Variants in CSPG4 observed in about 807,000 individuals in gnomAD.
CSPG4 encodes the protein chondroitin sulfate proteoglycan 4.
Under a neutral mutation model 139.3 loss-of-function variants are expected in CSPG4, and 74 were observed. That is an observed-to-expected ratio of 0.53 (90% CI 0.44 to 0.64). The LOEUF (loss-of-function observed/expected upper bound fraction) is 0.64, where lower values mean the gene tolerates loss of function less well. CSPG4 is among the 30% of genes least tolerant of loss of function. CSPG4 has a pLI of 0.00. For synonymous variants in CSPG4, 1,234 were observed against 1,394.2 expected, an observed-to-expected ratio of 0.89 and a Z score of 2.56; for missense variants, 2,565 against 3,148.3, an observed-to-expected ratio of 0.81 and a Z score of 4.43.
At chr15:75,678,695 C>T (rs1047421426) in intron 8 of CSPG4, 1 of 456,162 alleles carries the variant, frequency 2.2e-6, no homozygotes, top group African/African-American at 2.0e-5. Flanking sequence ...ACCAGCTTCA[C>T]CCCTGCCCCT....
chr15:75,704,810 C>T (rs532810821), intron 1 of CSPG4, among the ~76,000 whole-genome samples: 4 of 152,292 alleles, frequency 2.6e-5, no homozygotes, highest in South Asian at 2.1e-4. Flanking sequence ...TCCCTCAGTC[C>T]GGATTTCTGC....
In CSPG4 at chr15:75,690,776, G is replaced by C; in HGVS notation, c.289C>G (p.Gln97Glu). The C allele has an allele frequency of 6.2e-7, 1 of 1,612,360 alleles. No individual in the cohort carries two copies. Residue 97 changes from glutamine to glutamate, a missense_variant, in exon 3 of 10, where the codon CAG (glutamine) becomes GAG (glutamate). Physicochemically the swap from Gln to Glu is conservative, Grantham distance 29. Transcript: ENST00000308508. ...LVLGQEELRL[Q>E]TPAETLLSDS... ...CTCAGCAGCGTCTCTGCTGGAGTCT[G>C]CAGCCTCAGCTCCTCCTGGCCCAGA... is the stretch of plus-strand genomic sequence containing the variant.
chr15:75,685,817 A>G (rs1894050508), intron 3 of CSPG4, 116 bp from the exon 4 acceptor site: 4 of 1,126,248 alleles, frequency 3.6e-6, no homozygotes, highest in Admixed American at 2.9e-5. Flanking sequence ...ATTCCTCTAG[A>G]TACCACTGCT....
intron 2 of CSPG4, among the ~76,000 whole-genome samples, chr15:75,692,394 A>G (rs1411264162): frequency 6.6e-6 from 1 of 152,230 alleles, no homozygotes; most frequent in Non-Finnish European, 1.5e-5. Context: ...TGGTGGGATT[A>G]TAGGCATGAG....
intron 8 of CSPG4, chr15:75,680,124 G>T (rs1216826778): frequency 6.6e-6 from 1 of 152,524 alleles, no homozygotes; most frequent in Non-Finnish European, 1.5e-5. Flanking sequence ...GGGGGAGCAG[G>T]GGCCGGAGTA....
chr15:75,678,832 C>G (rs1158096053), intron 8 of CSPG4: 2 of 455,888 alleles, frequency 4.4e-6, no homozygotes, highest in Non-Finnish European at 4.4e-6. Flanking sequence ...GCACCAGAGG[C>G]CTCCGTGTTG....
rs1398197778 is a variant in CSPG4, at chr15:75,691,162, G to A, written c.253-350C>T. Among the ~76,000 whole-genome samples, 4 of 152,084 alleles carry A rather than the reference G, an allele frequency of 2.6e-5. No homozygotes were observed. In the East Asian group the frequency reaches 5.8e-4, roughly 22 times the overall value. On this transcript the variant is annotated intron_variant, in intron 2 of 9. Coordinates refer to ENST00000308508, the MANE Select transcript of CSPG4 (RefSeq NM_001897.5). ...GCACTCCAGCCTGGGCAGCAAGAGC[G>A]AAACTCTGTCTCAAAAAACAAACAA...
At chr15:75,704,683 G>A (rs1023255757) in intron 1 of CSPG4, among the ~76,000 whole-genome samples, 1 of 152,142 alleles carries the variant, frequency 6.6e-6, no homozygotes, top group African/African-American at 2.4e-5. Flanking sequence ...GCCCCGAGCT[G>A]TGCACCCCAC....
intron 2 of CSPG4, among the ~76,000 whole-genome samples, chr15:75,691,693 A>C (rs1434505599): frequency 6.6e-6 from 1 of 152,174 alleles, no homozygotes; most frequent in Non-Finnish European, 1.5e-5. Context: ...GAGATGAAGG[A>C]CATAGTTCTG....
chr15:75,702,000 A>G (rs138106091), intron 1 of CSPG4, among the ~76,000 whole-genome samples: 1 of 152,258 alleles, frequency 6.6e-6, no homozygotes, highest in African/African-American at 2.4e-5. Context: ...TCCCTGGTCC[A>G]TCCATAAGGC....
In CSPG4 at chr15:75,701,375, T is replaced by C. The variant is rs898510176; in HGVS notation, c.89-8142A>G. Among the ~76,000 whole-genome samples the C allele has an allele frequency of 6.1e-3, 927 of 150,946 alleles. 24 individuals are homozygous for C. Among genetic ancestry groups the C allele is most frequent in the Admixed American group, 0.045 (680 of 15,160 alleles). On this transcript the variant is annotated intron_variant, in intron 1 of 9. Transcript: ENST00000308508. The stretch of plus-strand genomic sequence containing the variant: ...GGCAGAGCTGTCCCACCACAGCAAG[T>C]CCCAGCACTGGTGGTGCTCCAGTGG...
intron 1 of CSPG4, among the ~76,000 whole-genome samples, chr15:75,705,876 T>C (rs1316937477): frequency 6.6e-6 from 1 of 152,136 alleles, no homozygotes; most frequent in Non-Finnish European, 1.5e-5. Context: ...TGCATATGTG[T>C]GTGTCTGTGC....
chr15:75,708,197 ACG>A (rs1894398489), intron 1 of CSPG4, among the ~76,000 whole-genome samples: 1 of 45,916 alleles, frequency 2.2e-5, no homozygotes, highest in African/African-American at 1.0e-4. Flanking sequence ...GGCCTGGCTA[ACG>A]CATGCATGCC....
Position 75,684,769 on chromosome 15 carries a change from T to C in CSPG4, c.4416A>G (p.Gln1472=). The change falls in exon 5 of 10, where the codon CAA becomes CAG. Residue 1472 remains glutamine, a synonymous_variant. Transcript: ENST00000308508. ...FTVTVLPVND[Q]PPILTTNTGL... ...CTGTGTTTGTAGTGAGGATGGGGGG[T>C]TGGTCATTGACAGGCAGGACAGTGA... is the stretch of plus-strand genomic sequence containing the variant. 1.2e-6 allele frequency: 2 copies of C among 1,613,476 alleles called. No individual in the cohort carries two copies. The highest frequency in any genetic ancestry group is 1.3e-5 in the African/African-American group (1 of 74,924).
intron 5 of CSPG4, 29 bp downstream of exon 5, chr15:75,684,707 C>G (rs1305180660): frequency 4.4e-6 from 7 of 1,598,412 alleles, no homozygotes; most frequent in Non-Finnish European, 5.1e-6. Context: ...TCGAAGCAGA[C>G]ATGGGGGTGT....
At position 75,688,654 on chromosome 15, in the gene CSPG4, G is replaced by A. The variant is rs752692118; in HGVS notation, c.2411C>T (p.Thr804Ile). ...TQNTQQETLTTAHLEATLEEA... is the reference protein window; with the variant it reads ...TQNTQQETLTIAHLEATLEEA... ...CTCCAGGGTGGCCTCCAGGTGGGCT[G>A]TGGTGAGGGTCTCCTGCTGGGTGTT... Residue 804 changes from threonine to isoleucine, a missense_variant, in exon 3 of 10, where the codon ACA becomes ATA. By Grantham distance (89) the Thr-to-Ile change is moderately conservative. Around this residue, in one of 5 missense-constraint regions of CSPG4, gnomAD observed 2,316 missense variants for 2,818.2 expected, o/e 0.82. Transcript: ENST00000308508. 1 of 1,612,408 alleles carries A rather than the reference G, an allele frequency of 6.2e-7. No individual in the cohort carries two copies. The highest frequency in any genetic ancestry group is 8.5e-7 in the Non-Finnish European group (1 of 1,179,758).
chr15:75,682,235 A>C, intron 8 of CSPG4, 58 bp downstream of exon 8: 1 of 1,582,182 alleles, frequency 6.3e-7, no homozygotes, highest in Non-Finnish European at 8.6e-7. Flanking sequence ...TGTCCATGGC[A>C]CAGCGGCCAC....
chr15:75,693,330 G>A (rs34586542), intron 1 of CSPG4, 97 bp from the exon 2 acceptor site: 33,137 of 1,160,396 alleles, frequency 0.029, 430 homozygotes, highest in African/African-American at 0.047. Context: ...AAAGGGGTCC[G>A]TGCTGGCGCA....
intron 2 of CSPG4, among the ~76,000 whole-genome samples, chr15:75,691,593 C>T (rs1894165989): frequency 1.3e-5 from 2 of 152,100 alleles, no homozygotes; most frequent in Admixed American, 1.3e-4. Context: ...GCTCACTGTT[C>T]AGGAATAGGC....
Sources: gnomAD v4.1 joint callset for allele counts (sites outside exome capture counted in the v4.1 genomes callset) on GRCh38, gnomAD v4.1.1 for gene constraint, gnomAD v4.1.1 regional missense constraint, MANE v1.5 for transcripts, NCBI Gene and HGNC (gene_info 2026-07-23, HGNC 2026-07-21) for gene names.